The following SORCS3 variants were observed in gnomAD, a reference collection of about 807,000 sequenced individuals.
SORCS3 encodes VPS10 domain-containing receptor SorCS3.
Under a neutral mutation model 146.3 loss-of-function variants are expected in SORCS3, and 57 were observed. The ratio of observed to expected loss-of-function variants is 0.39; its 90% confidence interval spans 0.31 to 0.49. The LOEUF is 0.49. Ranked by LOEUF, SORCS3 falls within the 20% of genes least tolerant of loss-of-function variation. SORCS3 has a pLI of 0.92. For synonymous variants in SORCS3, 653 were observed against 618.5 expected (o/e 1.06, Z -0.83); for missense variants, 1,341 against 1,575.5 (o/e 0.85, Z 2.52).
intron 7 of SORCS3, among the ~76,000 whole-genome samples, chr10:105,127,845 C>T (rs912767501): frequency 6.6e-6 from 1 of 152,148 alleles, no homozygotes; most frequent in Non-Finnish European, 1.5e-5. Context: ...AAGGAGAAAG[C>T]TTTTGACACG....
chr10:105,244,850 C>T (rs1589707981), intron 20 of SORCS3, among the ~76,000 whole-genome samples: 1 of 151,914 alleles, frequency 6.6e-6, no homozygotes, highest in Non-Finnish European at 1.5e-5. Flanking sequence ...GGGTGGATTG[C>T]CTGAGCTCAG....
intron 1 of SORCS3, among the ~76,000 whole-genome samples, chr10:104,744,511 G>T (rs1210387928): frequency 6.6e-6 from 1 of 152,190 alleles, no homozygotes; most frequent in East Asian, 1.9e-4. Flanking sequence ...ATCCTATGGA[G>T]AACCTGTTAT....
At chr10:104,706,608 A>G (rs562605322) in intron 1 of SORCS3, among the ~76,000 whole-genome samples, 13 of 152,332 alleles carry the variant, frequency 8.5e-5, no homozygotes, top group Admixed American at 7.2e-4. Context: ...CCACCGTAGC[A>G]TATGGGAAGT....
At chr10:104,878,580 T>C (rs1462858551) in intron 2 of SORCS3, among the ~76,000 whole-genome samples, 4 of 152,194 alleles carry the variant, frequency 2.6e-5, no homozygotes. Flanking sequence ...ATCTGTAAGA[T>C]AAAAAGCAGA....
chr10:104,709,782 C>T (rs1265223937), intron 1 of SORCS3, among the ~76,000 whole-genome samples: 1 of 152,108 alleles, frequency 6.6e-6, no homozygotes, highest in African/African-American at 2.4e-5. Flanking sequence ...TAATGTCTGA[C>T]TTGTTCTTTG....
At chr10:105,001,637 CT>C (rs760740190) in intron 4 of SORCS3, among the ~76,000 whole-genome samples, 2 of 152,128 alleles carry the variant, frequency 1.3e-5, no homozygotes, top group African/African-American at 2.4e-5. Flanking sequence ...TACTTGTTCT[CT>C]GGGAGGATGC....
At chr10:104,736,717 A>G (rs994760522) in intron 1 of SORCS3, among the ~76,000 whole-genome samples, 3 of 151,266 alleles carry the variant, frequency 2.0e-5, no homozygotes, top group African/African-American at 7.3e-5. Context: ...TCTTTTCAAA[A>G]TACTTCAATC....
chr10:105,095,962 A>T (rs1307223657), intron 6 of SORCS3, among the ~76,000 whole-genome samples: 2 of 152,212 alleles, frequency 1.3e-5, no homozygotes, highest in Non-Finnish European at 2.9e-5. Context: ...GGATACTGGC[A>T]TCTACGCAAA....
intron 6 of SORCS3, among the ~76,000 whole-genome samples, chr10:105,098,099 C>G (rs920043405): frequency 6.6e-6 from 1 of 152,152 alleles, no homozygotes; most frequent in Non-Finnish European, 1.5e-5. Flanking sequence ...AGACTAAACT[C>G]TAGGCTCTAG....
At chr10:104,977,568 C>A in intron 4 of SORCS3, 75 bp downstream of exon 4, 1 of 1,379,484 alleles carries the variant, frequency 7.2e-7, no homozygotes, top group Non-Finnish European at 9.7e-7. Context: ...TTGCTTAATC[C>A]ACATTTTGGA....
chr10:105,098,754 G>A (rs1414642814), intron 6 of SORCS3, among the ~76,000 whole-genome samples: 2 of 152,212 alleles, frequency 1.3e-5, no homozygotes, highest in Non-Finnish European at 2.9e-5. Context: ...AAATGCTACT[G>A]TTGTCATCGT....
At chr10:104,890,318 A>G (rs554135800) in intron 2 of SORCS3, among the ~76,000 whole-genome samples, 3 of 151,948 alleles carry the variant, frequency 2.0e-5, no homozygotes, top group East Asian at 1.9e-4. Context: ...GTCCTGCAGC[A>G]CACTGATTTT....
At chr10:105,097,641 A>G (rs2055755887) in intron 6 of SORCS3, among the ~76,000 whole-genome samples, 1 of 152,204 alleles carries the variant, frequency 6.6e-6, no homozygotes, top group African/African-American at 2.4e-5. Context: ...AACAAACATA[A>G]GAAGTATTTT....
intron 4 of SORCS3, among the ~76,000 whole-genome samples, chr10:105,009,089 A>G (rs558994391): frequency 6.6e-6 from 1 of 152,354 alleles, no homozygotes; most frequent in South Asian, 2.1e-4. Flanking sequence ...GTCATGTGCT[A>G]AGTGCTTCCA....
intron 7 of SORCS3, among the ~76,000 whole-genome samples, chr10:105,135,981 GTTTAATGCAAT>G (rs2056056512): frequency 6.6e-6 from 1 of 152,112 alleles, no homozygotes. Flanking sequence ...TTAATGCGCT[GTTTAATGCAAT>G]ATAGGGTTTT....
intron 14 of SORCS3, among the ~76,000 whole-genome samples, chr10:105,192,020 T>G (rs974906886): frequency 3.3e-5 from 5 of 151,964 alleles, no homozygotes; most frequent in Admixed American, 3.3e-4. Context: ...AGATTTTAAA[T>G]AAAATGATGG....
chr10:105,063,375 A>C (rs1049749616), intron 5 of SORCS3, among the ~76,000 whole-genome samples: 3 of 152,194 alleles, frequency 2.0e-5, no homozygotes, highest in Admixed American at 1.3e-4. Context: ...CAGGGAGATA[A>C]AGTGACTTAA....
At chr10:105,010,679 G>A (rs553791950) in intron 4 of SORCS3, among the ~76,000 whole-genome samples, 2 of 151,754 alleles carry the variant, frequency 1.3e-5, no homozygotes, top group Non-Finnish European at 2.9e-5. Context: ...ACACAGTGAA[G>A]TGCATTTAAA....
chr10:105,159,558 G>T, intron 11 of SORCS3, among the ~76,000 whole-genome samples: 1 of 152,222 alleles, frequency 6.6e-6, no homozygotes, highest in East Asian at 1.9e-4. Context: ...AAGCAACTCT[G>T]AGATGAAAGC....
Sources: allele counts gnomAD v4.1 joint callset (sites outside exome capture counted in the v4.1 genomes callset), GRCh38; gene constraint gnomAD v4.1.1; transcripts MANE v1.5; gene names NCBI Gene and HGNC (gene_info 2026-07-23, HGNC 2026-07-21).